Variants in PTK2B observed in about 807,000 individuals in gnomAD.
The protein encoded by PTK2B is protein-tyrosine kinase 2-beta.
Under a neutral mutation model 142.9 loss-of-function variants are expected in PTK2B, and 71 were observed. The observed-to-expected ratio is 0.50, with a 90% CI of 0.41 to 0.61. PTK2B has a LOEUF of 0.61. PTK2B is among the 20% of genes least tolerant of loss of function. PTK2B has a pLI of 0.00. For synonymous variants in PTK2B, 519 were observed against 503.4 expected, an observed-to-expected ratio of 1.03 and a Z score of -0.42; for missense variants, 1,105 against 1,320.4, an observed-to-expected ratio of 0.84 and a Z score of 2.53.
rs1327292646 is a variant in PTK2B, at chr8:27,444,224, A to ACCAACCTCCT, written c.2167_2168insCCAACCTCCT (p.Arg723ThrfsTer22). 6.2e-7 allele frequency: 1 copy of ACCAACCTCCT among 1,613,640 alleles called. No homozygotes were observed. Among genetic ancestry groups the ACCAACCTCCT allele is most frequent in the Non-Finnish European group, 8.5e-7 (1 of 1,179,718 alleles). Reference sequence around the variant, plus strand: ...TCTCCAGCCCAGCCGACCTAAGTACAGACCCCCTCCGCAAACCAACCTCCT... The same window carrying ACCAACCTCCT: ...TCTCCAGCCCAGCCGACCTAAGTACACCAACCTCCTGACCCCCTCCGCAAACCAACCTCCT... On this transcript the variant is annotated frameshift_variant, in exon 23 of 31. Transcript: ENST00000346049. LOFTEE classifies it high-confidence loss of function.
Position 27,436,324 on chromosome 8 carries a change from C to T in PTK2B, c.1317C>T (p.Val439=). ...RILGEGFFGE[V]YEGVYTNHKG... ...TTGGGGAAGGCTTTTTTGGGGAGGT[C>T]TATGAAGGTGTCTACACAAATCACG... Residue 439 remains valine (V), a synonymous_variant, in exon 15 of 31, where the codon GTC becomes GTT. Coordinates refer to ENST00000346049, the MANE Select transcript of PTK2B (RefSeq NM_173176.3). 1 of 1,613,942 alleles carries T rather than the reference C, an allele frequency of 6.2e-7. No individual in the cohort carries two copies. The highest frequency in any genetic ancestry group is 8.5e-7 in the Non-Finnish European group (1 of 1,179,836).
intron 1 of PTK2B, among the ~76,000 whole-genome samples, chr8:27,375,058 G>A (rs1806583171): frequency 1.3e-5 from 2 of 152,308 alleles, no homozygotes; most frequent in South Asian, 4.1e-4. Context: ...TTATAAAGTG[G>A]GGACTGGAAC....
chr8:27,376,377 A>T (rs1270109805), intron 1 of PTK2B, among the ~76,000 whole-genome samples: 1 of 152,230 alleles, frequency 6.6e-6, no homozygotes, highest in African/African-American at 2.4e-5. Flanking sequence ...GTTGGGACTA[A>T]AATGTGTCTG....
chr8:27,452,778 G>C, intron 27 of PTK2B: 1 of 317,138 alleles, frequency 3.2e-6, no homozygotes, highest in Non-Finnish European at 5.7e-6. Context: ...CAGAGAGAGA[G>C]GTTTCTTCCT....
intron 3 of PTK2B, among the ~76,000 whole-genome samples, chr8:27,318,395 A>G (rs1399624832): frequency 6.6e-6 from 1 of 152,182 alleles, no homozygotes; most frequent in African/African-American, 2.4e-5. Context: ...TGGGGACCAG[A>G]TGAGCCCACT....
intron 1 of PTK2B, among the ~76,000 whole-genome samples, chr8:27,335,399 C>G (rs1803997338): frequency 6.6e-6 from 1 of 152,124 alleles, no homozygotes. Context: ...TTGAGACCAG[C>G]CTGACCAACA....
intron 1 of PTK2B, among the ~76,000 whole-genome samples, chr8:27,326,575 T>A (rs562182982): frequency 1.3e-5 from 2 of 152,298 alleles, no homozygotes; most frequent in African/African-American, 4.8e-5. Context: ...ACTCGGAAGC[T>A]GCGCTGTGGC....
intron 22 of PTK2B, among the ~76,000 whole-genome samples, chr8:27,443,830 C>A: frequency 6.6e-6 from 1 of 152,340 alleles, no homozygotes; most frequent in East Asian, 1.9e-4. Context: ...CCTGGCTCAG[C>A]GTTCATCTCC....
At chr8:27,343,132 A>G (rs1168077329) in intron 1 of PTK2B, among the ~76,000 whole-genome samples, 1 of 152,218 alleles carries the variant, frequency 6.6e-6, no homozygotes, top group East Asian at 1.9e-4. Context: ...TGTTTTCCTC[A>G]GGCAACAAAT....
rs1416362915 is a variant in PTK2B at position 27,439,361 on chromosome 8, C to G, written c.1797C>G (p.Phe599Leu). The G allele has an allele frequency of 3.1e-6, 5 of 1,613,976 alleles. No homozygotes were observed. In the African/African-American group the frequency reaches 5.3e-5, roughly 17 times the overall value. Residue 599 changes from phenylalanine (F) to leucine (L), a missense_variant, in exon 20 of 31, where the codon TTC (phenylalanine) becomes TTG (leucine). Coordinates refer to ENST00000346049, the MANE Select transcript of PTK2B (RefSeq NM_173176.3). ...GGATGTCCCCAGAGTCCATTAACTT[C>G]CGACGCTTCACGACAGCCAGTGACG... ...IKWMSPESIN[F>L]RRFTTASDVW...
intron 1 of PTK2B, among the ~76,000 whole-genome samples, chr8:27,360,275 T>A (rs990713553): frequency 1.6e-4 from 24 of 152,144 alleles, no homozygotes; most frequent in Non-Finnish European, 1.5e-5. Flanking sequence ...CTCCCTGAGC[T>A]CCCAGAACTT....
chr8:27,348,567 C>T (rs1407553158), intron 1 of PTK2B, among the ~76,000 whole-genome samples: 3 of 152,166 alleles, frequency 2.0e-5, no homozygotes, highest in Non-Finnish European at 4.4e-5. Context: ...TGAAGCACTG[C>T]AGACAATACA....
chr8:27,430,431 A>G lies in PTK2B; in HGVS notation c.669+13A>G, dbSNP rs370408626. ...GGAGAACTTAAAGGTGAGGAAACCA[A>G]TGGGCGAGGACCTCTTCGTGCTGAT... On this transcript the variant is annotated intron_variant, in intron 7 of 30. Coordinates refer to ENST00000346049, the MANE Select transcript of PTK2B (RefSeq NM_173176.3). 14 of 1,613,700 alleles carry G rather than the reference A, an allele frequency of 8.7e-6. No homozygotes were observed. The Admixed American group carries it at 1.3e-4, about 15-fold the overall frequency.
intron 10 of PTK2B, among the ~76,000 whole-genome samples, chr8:27,432,935 T>C (rs1306225189): frequency 1.3e-5 from 2 of 152,112 alleles, no homozygotes; most frequent in African/African-American, 4.8e-5. Flanking sequence ...CAAGAGATTC[T>C]CCTGCCTCAG....
intron 1 of PTK2B, among the ~76,000 whole-genome samples, chr8:27,336,522 A>C (rs368932225): frequency 6.6e-6 from 1 of 152,150 alleles, no homozygotes; most frequent in African/African-American, 2.4e-5. Flanking sequence ...TTCTCCCAAT[A>C]AGGAGGGCTG....
intron 1 of PTK2B, among the ~76,000 whole-genome samples, chr8:27,379,130 T>C (rs1331514579): frequency 6.6e-6 from 1 of 152,196 alleles, no homozygotes; most frequent in Non-Finnish European, 1.5e-5. Flanking sequence ...CTCATTCTTT[T>C]CAGGCTTAGG....
chr8:27,450,922 G>A (rs1811764946), intron 25 of PTK2B, 27 bp downstream of exon 25: 1 of 1,613,954 alleles, frequency 6.2e-7, no homozygotes, highest in African/African-American at 1.3e-5. Context: ...GGATGTCGGT[G>A]CCCTGCACCC....
At chr8:27,332,506 T>G (rs1344144629) in intron 1 of PTK2B, among the ~76,000 whole-genome samples, 2 of 152,224 alleles carry the variant, frequency 1.3e-5, no homozygotes, top group Non-Finnish European at 2.9e-5. Context: ...ATTTGTAATT[T>G]GTTCTAGGCA....
intron 1 of PTK2B, among the ~76,000 whole-genome samples, chr8:27,331,738 C>T (rs1358220842): frequency 1.3e-5 from 2 of 152,166 alleles, no homozygotes; most frequent in African/African-American, 4.8e-5. Flanking sequence ...CCACTCCCCT[C>T]AGCCTCCCAA....
Sources: gnomAD v4.1 joint callset for allele counts (sites outside exome capture counted in the v4.1 genomes callset) on GRCh38, gnomAD v4.1.1 for gene constraint, MANE v1.5 for transcripts, NCBI Gene and HGNC (gene_info 2026-07-23, HGNC 2026-07-21) for gene names.